The following LINGO2 variants were observed in gnomAD, a reference collection of about 807,000 sequenced individuals.
The protein encoded by LINGO2 is leucine-rich repeat and immunoglobulin-like domain-containing nogo receptor-interacting protein 2.
Under a neutral mutation model 30.6 loss-of-function variants are expected in LINGO2, and 14 were observed. The ratio of observed to expected loss-of-function variants is 0.46; its 90% confidence interval spans 0.30 to 0.72. LINGO2 has a LOEUF of 0.72. Ranked by LOEUF, LINGO2 falls within the 30% of genes least tolerant of loss-of-function variation. The probability of loss-of-function intolerance (pLI) is 0.07; values close to 1 mark genes in which losing one functional copy is unlikely to be tolerated. For missense variants in LINGO2, 729 were observed against 751.7 expected, an observed-to-expected ratio of 0.97 and a Z score of 0.35; for synonymous variants, 317 against 288.5, an observed-to-expected ratio of 1.10 and a Z score of -1.00.
chr9:28,246,296 T>C (rs968462277), intron 4 of LINGO2, among the ~76,000 whole-genome samples: 10 of 151,988 alleles, frequency 6.6e-5, no homozygotes, highest in African/African-American at 2.4e-4. Flanking sequence ...TGGTGGTGTG[T>C]ACCTGTAGTC....
chr9:28,729,567 T>C, the LINGO2 span, among the ~76,000 whole-genome samples: 2 of 151,652 alleles, frequency 1.3e-5, no homozygotes, highest in African/African-American at 4.8e-5. Flanking sequence ...CAAGAACAAG[T>C]AACAAAAAGT....
chr9:28,255,750 C>T (rs1015056287), intron 4 of LINGO2, among the ~76,000 whole-genome samples: 1 of 152,008 alleles, frequency 6.6e-6, no homozygotes. Flanking sequence ...CTTTGCAATT[C>T]TATTTCCTGA....
chr9:29,031,912 TG>T, the LINGO2 span, among the ~76,000 whole-genome samples: 1 of 152,138 alleles, frequency 6.6e-6, no homozygotes, highest in Non-Finnish European at 1.5e-5. Context: ...AATAGTGAAT[TG>T]TAGGTGACTC....
chr9:28,603,080 A>T (rs770493286), intron 1 of LINGO2, among the ~76,000 whole-genome samples: 3 of 152,082 alleles, frequency 2.0e-5, no homozygotes, highest in Non-Finnish European at 2.9e-5. Context: ...TCTGGCTTAC[A>T]CTATTGAGCC....
the LINGO2 span, among the ~76,000 whole-genome samples, chr9:28,688,119 GA>G: frequency 6.6e-6 from 1 of 152,040 alleles, no homozygotes; most frequent in Non-Finnish European, 1.5e-5. Flanking sequence ...GATACAAATG[GA>G]AACTTCACAT....
At chr9:28,367,109 A>ACTATAATATAT (rs1564153661) in intron 3 of LINGO2, among the ~76,000 whole-genome samples, 1 of 135,326 alleles carries the variant, frequency 7.4e-6, no homozygotes, top group African/African-American at 2.8e-5. Context: ...GTTAAATCAA[A>ACTATAATATAT]AGTCAGCACA....
At chr9:28,012,650 C>T (rs1019672338) in intron 4 of LINGO2, among the ~76,000 whole-genome samples, 2 of 152,014 alleles carry the variant, frequency 1.3e-5, no homozygotes. Flanking sequence ...TACCGCCTGG[C>T]CAAGACACTT....
At chr9:28,652,178 C>T (rs1232074570) in intron 1 of LINGO2, among the ~76,000 whole-genome samples, 1 of 152,014 alleles carries the variant, frequency 6.6e-6, no homozygotes, top group Non-Finnish European at 1.5e-5. Flanking sequence ...CTTCTCCCTC[C>T]CTAATTTATT....
At chr9:28,922,909 G>T in the LINGO2 span, among the ~76,000 whole-genome samples, 11,854 of 152,142 alleles carry the variant, frequency 0.078, 504 homozygotes, top group East Asian at 0.12. Flanking sequence ...CTATGCAGGT[G>T]GACCCTAAAT....
the LINGO2 span, chr9:27,942,374 G>T: frequency 3.3e-5 from 5 of 152,132 alleles, no homozygotes; most frequent in Non-Finnish European, 7.4e-5. Flanking sequence ...GTCTCATATT[G>T]CATTTCTTAT....
At chr9:29,021,309 T>A in the LINGO2 span, among the ~76,000 whole-genome samples, 1 of 152,122 alleles carries the variant, frequency 6.6e-6, no homozygotes. Context: ...TGTACACTCA[T>A]AGGTAAAATT....
the LINGO2 span, among the ~76,000 whole-genome samples, chr9:28,754,187 ACT>A: frequency 8.5e-5 from 13 of 152,232 alleles, no homozygotes; most frequent in Non-Finnish European, 1.9e-4. Flanking sequence ...ATTAAACATT[ACT>A]ATATACAAGA....
chr9:28,903,715 C>G, the LINGO2 span, among the ~76,000 whole-genome samples: 23 of 152,056 alleles, frequency 1.5e-4, no homozygotes, highest in Non-Finnish European at 2.8e-4. Context: ...TAGGCTCAAG[C>G]TATCCTCCTG....
At position 28,129,203 on chromosome 9, in the gene LINGO2, C is replaced by A. The variant is rs1381683908; in HGVS notation, c.-86-116798G>T. On this transcript the variant is annotated intron_variant, in intron 4 of 5. Transcript: ENST00000379992. This position sits in a 1 kb window ranked among gnomAD's most constrained non-coding sequence, Gnocchi z 4.0. ...TACCACTGGCTTCCTTGCTCCTCAG[C>A]TTGCAGGCAGCCTATCGTGGGACTT... is the stretch of plus-strand genomic sequence containing the variant. 6.6e-6 allele frequency among the ~76,000 whole-genome samples: 1 copy of A among 152,190 alleles called. No homozygotes were observed. Among genetic ancestry groups the A allele is most frequent in the Non-Finnish European group, 1.5e-5 (1 of 68,040 alleles).
At chr9:28,938,283 C>T in the LINGO2 span, among the ~76,000 whole-genome samples, 1 of 152,154 alleles carries the variant, frequency 6.6e-6, no homozygotes, top group African/African-American at 2.4e-5. Context: ...ATTGGCCAAC[C>T]ACATTCTTGG....
chr9:28,556,880 A>G (rs1412564293), intron 1 of LINGO2, among the ~76,000 whole-genome samples: 1 of 152,144 alleles, frequency 6.6e-6, no homozygotes, highest in Non-Finnish European at 1.5e-5. Flanking sequence ...AAACCTGAGA[A>G]AAACAAGCAA....
At chr9:28,790,391 C>T in the LINGO2 span, among the ~76,000 whole-genome samples, 99 of 138,232 alleles carry the variant, frequency 7.2e-4, no homozygotes, top group Non-Finnish European at 6.3e-4. Context: ...TGCAGTCGTG[C>T]GATCTCGGCT....
chr9:28,824,414 C>T, the LINGO2 span, among the ~76,000 whole-genome samples: 1 of 152,100 alleles, frequency 6.6e-6, no homozygotes, highest in Non-Finnish European at 1.5e-5. Context: ...GTTAATCAGC[C>T]TCAGATGCGG....
chr9:28,322,874 T>C (rs954912544), intron 3 of LINGO2, among the ~76,000 whole-genome samples: 8 of 152,214 alleles, frequency 5.3e-5, no homozygotes, highest in Non-Finnish European at 1.0e-4. Flanking sequence ...ACCAATACAT[T>C]TTAAAATTTC....
Sources: allele counts gnomAD v4.1 joint callset (sites outside exome capture counted in the v4.1 genomes callset), GRCh38; gene constraint gnomAD v4.1.1; non-coding constraint Gnocchi (gnomAD v3.1); transcripts MANE v1.5; gene names NCBI Gene and HGNC (gene_info 2026-07-23, HGNC 2026-07-21).